The following SPATA16 variants were observed in gnomAD, a reference collection of about 807,000 sequenced individuals.
SPATA16 encodes the protein spermatogenesis associated 16, also known as spermatogenesis-associated protein 16.
In SPATA16, 36 loss-of-function variants were observed where a neutral mutation model predicts 63.3. The observed-to-expected ratio is 0.57, with a 90% confidence interval of 0.44 to 0.75. The LOEUF (loss-of-function observed/expected upper bound fraction) is 0.75, where lower values mean the gene tolerates loss of function less well. SPATA16 is among the 30% of genes least tolerant of loss of function. The probability of loss-of-function intolerance (pLI) is 0.00; values close to 1 mark genes in which losing one functional copy is unlikely to be tolerated. For synonymous variants in SPATA16, 203 were observed against 216.7 expected, an observed-to-expected ratio of 0.94 and a Z score of 0.56; for missense variants, 646 against 679.3, an observed-to-expected ratio of 0.95 and a Z score of 0.54.
chr3:172,913,877 T>C, intron 9 of SPATA16, 133 bp from the exon 10 acceptor site: 3 of 753,650 alleles, frequency 4.0e-6, no homozygotes, highest in Non-Finnish European at 2.3e-6. Flanking sequence ...CTACAATGAA[T>C]ATTGCCACCT....
chr3:172,907,949 C>T (rs1159140450), intron 10 of SPATA16, among the ~76,000 whole-genome samples: 1 of 152,130 alleles, frequency 6.6e-6, no homozygotes, highest in Non-Finnish European at 1.5e-5. Context: ...ATGATATGCT[C>T]CCTCCTCTGG....
intron 4 of SPATA16, among the ~76,000 whole-genome samples, chr3:172,991,097 G>A (rs2108260646): frequency 6.6e-6 from 1 of 152,174 alleles, no homozygotes; most frequent in Non-Finnish European, 1.5e-5. Flanking sequence ...GTTTTCCCAA[G>A]ATAGTCCTAG....
chr3:172,975,141 G>A (rs979061547), intron 5 of SPATA16, among the ~76,000 whole-genome samples: 14 of 152,036 alleles, frequency 9.2e-5, no homozygotes, highest in African/African-American at 3.4e-4. Context: ...AAATTTTTTC[G>A]CATCAGATGG....
chr3:172,966,932 T>C (rs1577110717), intron 5 of SPATA16, among the ~76,000 whole-genome samples: 1 of 152,316 alleles, frequency 6.6e-6, no homozygotes, highest in African/African-American at 2.4e-5. Flanking sequence ...TAAAAATCTA[T>C]GGAAAATAGA....
At chr3:172,954,307 A>G (rs1410112994) in intron 6 of SPATA16, among the ~76,000 whole-genome samples, 1 of 152,186 alleles carries the variant, frequency 6.6e-6, no homozygotes, top group Non-Finnish European at 1.5e-5. Context: ...TTATAAAACC[A>G]TCAGATCATG....
At chr3:173,104,358 GT>G (rs1387551725) in intron 2 of SPATA16, among the ~76,000 whole-genome samples, 1 of 152,064 alleles carries the variant, frequency 6.6e-6, no homozygotes, top group African/African-American at 2.4e-5. Context: ...CAGTTTCTGT[GT>G]TAGGCCATTC....
intron 6 of SPATA16, among the ~76,000 whole-genome samples, chr3:172,953,551 A>G (rs1733502572): frequency 6.6e-6 from 1 of 152,148 alleles, no homozygotes; most frequent in East Asian, 1.9e-4. Context: ...AGAAGCAACT[A>G]CACCAATAAA....
chr3:173,075,840 G>A (rs2108310241), intron 2 of SPATA16, among the ~76,000 whole-genome samples: 1 of 152,218 alleles, frequency 6.6e-6, no homozygotes, highest in African/African-American at 2.4e-5. Flanking sequence ...GAAGAAATAA[G>A]ATGTAGTGTT....
rs115409075 is a variant in SPATA16 at position 173,033,728 on chromosome 3, G to A, written c.759-14153C>T. Among the ~76,000 whole-genome samples, 958 of 152,060 alleles carry A rather than the reference G, an allele frequency of 6.3e-3. 9 individuals are homozygous for A. Among genetic ancestry groups the A allele is most frequent in the Non-Finnish European group, 9.7e-3 (657 of 67,954 alleles). On this transcript the variant is annotated intron_variant, in intron 3 of 10. Coordinates refer to ENST00000351008, the MANE Select transcript of SPATA16 (RefSeq NM_031955.6). ...TTTTAGTTTAGTTTTTAGGGGGGACGGAGTCTCACTCTGACACCCAGGCTG... is the reference window on the plus strand; with the variant it reads ...TTTTAGTTTAGTTTTTAGGGGGGACAGAGTCTCACTCTGACACCCAGGCTG...
chr3:172,936,154 A>G (rs566359249), intron 6 of SPATA16, among the ~76,000 whole-genome samples: 1 of 152,326 alleles, frequency 6.6e-6, no homozygotes, highest in Admixed American at 6.5e-5. Context: ...TAAGGATGAT[A>G]GGAGTGTCTT....
At chr3:173,088,007 C>CTTCT (rs1553801607) in intron 2 of SPATA16, among the ~76,000 whole-genome samples, 15 of 118,310 alleles carry the variant, frequency 1.3e-4, no homozygotes, top group Non-Finnish European at 5.3e-5. Context: ...ATTTTCTTTC[C>CTTCT]GTCTTTCTTT....
intron 3 of SPATA16, among the ~76,000 whole-genome samples, chr3:173,023,832 T>A (rs1190867010): frequency 6.6e-6 from 1 of 151,636 alleles, no homozygotes; most frequent in African/African-American, 2.4e-5. Flanking sequence ...AATATGTCTA[T>A]ATTCACATAT....
chr3:172,928,168 C>G (rs1732784325), intron 6 of SPATA16, among the ~76,000 whole-genome samples: 1 of 152,152 alleles, frequency 6.6e-6, no homozygotes, highest in South Asian at 2.1e-4. Flanking sequence ...CACACCCTCC[C>G]AAAGTGTTGG....
rs144365164 is a variant in SPATA16 at position 172,911,940 on chromosome 3, C to T, written c.1587+1721G>A. ...CATTTCTGTAGCCCCTCAATCTCTT[C>T]TCCCCACCACAGCCCTAAAGATGTC... is the stretch of plus-strand genomic sequence containing the variant. On this transcript the variant is annotated intron_variant, in intron 10 of 10. Transcript: ENST00000351008. Among the ~76,000 whole-genome samples the T allele has an allele frequency of 4.7e-3, 711 of 152,306 alleles. 1 individual carries two copies. Among genetic ancestry groups the T allele is most frequent in the Non-Finnish European group, 7.2e-3 (490 of 68,022 alleles).
chr3:173,068,199 T>G (rs1207595051), intron 2 of SPATA16, among the ~76,000 whole-genome samples: 1 of 152,188 alleles, frequency 6.6e-6, no homozygotes. Context: ...CAGAATACTC[T>G]AACACTGTAA....
At chr3:172,999,649 G>A (rs1236454707) in intron 4 of SPATA16, among the ~76,000 whole-genome samples, 1 of 152,082 alleles carries the variant, frequency 6.6e-6, no homozygotes, top group Non-Finnish European at 1.5e-5. Flanking sequence ...CCTGACCTCA[G>A]TTGATCCGCC....
chr3:173,060,811 G>T (rs1736361827), intron 2 of SPATA16, among the ~76,000 whole-genome samples: 1 of 151,916 alleles, frequency 6.6e-6, no homozygotes, highest in Non-Finnish European at 1.5e-5. Context: ...ACCTCTGTTT[G>T]AAATTCAGTA....
intron 4 of SPATA16, among the ~76,000 whole-genome samples, chr3:173,001,861 C>T (rs935881581): frequency 1.3e-5 from 2 of 152,122 alleles, no homozygotes; most frequent in African/African-American, 4.8e-5. Context: ...GGAGTAATGA[C>T]TTCTAAGCTC....
chr3:172,924,386 C>G (rs1732681428), intron 7 of SPATA16, 69 bp from the exon 8 acceptor site: 2 of 1,288,936 alleles, frequency 1.6e-6, no homozygotes, highest in Non-Finnish European at 2.2e-6. Context: ...TTTTCTTTAG[C>G]AAGCTATAAA....
Sources: gnomAD v4.1 joint callset for allele counts (sites outside exome capture counted in the v4.1 genomes callset) on GRCh38, gnomAD v4.1.1 for gene constraint, MANE v1.5 for transcripts, NCBI Gene and HGNC (gene_info 2026-07-23, HGNC 2026-07-21) for gene names.